Variants in TM7SF3 observed in about 807,000 individuals in gnomAD.
TM7SF3 encodes the protein seven span transmembrane protein.
TM7SF3 carries 60 observed loss-of-function variants against 65.5 expected under a neutral mutation model. That is an observed-to-expected ratio of 0.92 (90% CI 0.74 to 1.14). TM7SF3 has a LOEUF of 1.14. Ranked by LOEUF, TM7SF3 falls within the 50% of genes most tolerant of loss-of-function variation. TM7SF3 has a pLI of 0.00. For synonymous variants in TM7SF3, 264 were observed against 259.6 expected, an observed-to-expected ratio of 1.02 and a Z score of -0.16; for missense variants, 623 against 684.8, an observed-to-expected ratio of 0.91 and a Z score of 1.01.
At chr12:26,985,751 T>C (rs1246061977) in intron 6 of TM7SF3, among the ~76,000 whole-genome samples, 2 of 143,292 alleles carry the variant, frequency 1.4e-5, no homozygotes, top group South Asian at 4.4e-4. Context: ...AAGATTGTCT[T>C]GAGTGGAAGA....
chr12:26,978,897 T>C (rs569989502), intron 9 of TM7SF3: 6 of 152,268 alleles, frequency 3.9e-5, no homozygotes, highest in Admixed American at 3.9e-4. Flanking sequence ...AAGTATTTTA[T>C]TTAGCACATG....
At chr12:26,991,141 C>CTTTTTTTT (rs35362439) in intron 5 of TM7SF3, among the ~76,000 whole-genome samples, 1 of 107,484 alleles carries the variant, frequency 9.3e-6, no homozygotes. Context: ...AGTAGTAGTT[C>CTTTTTTTT]TTTTTTTTTT....
intron 4 of TM7SF3, among the ~76,000 whole-genome samples, chr12:26,996,024 T>TA (rs923635979): frequency 1.3e-5 from 2 of 151,730 alleles, no homozygotes; most frequent in African/African-American, 4.8e-5. Context: ...AAATTTTTTT[T>TA]AAAAAAAAGC....
intron 1 of TM7SF3, among the ~76,000 whole-genome samples, chr12:27,008,595 A>T (rs1941129828): frequency 6.6e-6 from 1 of 152,182 alleles, no homozygotes; most frequent in Non-Finnish European, 1.5e-5. Context: ...GTCAACATAT[A>T]CCAAGATCAT....
chr12:26,982,569 T>A (rs745723209), intron 7 of TM7SF3, among the ~76,000 whole-genome samples: 2 of 152,078 alleles, frequency 1.3e-5, no homozygotes, highest in Non-Finnish European at 2.9e-5. Flanking sequence ...CCCCTGTTAA[T>A]AAGAGAAGGT....
chr12:26,997,330 G>A (rs530746568), intron 3 of TM7SF3, among the ~76,000 whole-genome samples: 1 of 152,230 alleles, frequency 6.6e-6, no homozygotes, highest in South Asian at 2.1e-4. Flanking sequence ...GGCCAGGTTT[G>A]GAATGCAGAT....
intron 6 of TM7SF3, among the ~76,000 whole-genome samples, chr12:26,989,265 G>T (rs555735297): frequency 4.0e-5 from 6 of 151,868 alleles, no homozygotes; most frequent in African/African-American, 1.5e-4. Context: ...GTGAAACCCC[G>T]ACTCTACTAA....
chr12:26,995,411 A>G lies in TM7SF3; in HGVS notation c.519-3T>C, dbSNP rs368654119. On this transcript the variant is annotated splice_region_variant and splice_polypyrimidine_tract_variant and intron_variant, in intron 4 of 11. Transcript: ENST00000343028. ...CACATGGTGGGGGATCTACGCCTCT[A>G]AAGTCAACCAACAAAATGAAACATC... 7.4e-6 allele frequency: 12 copies of G among 1,613,966 alleles called. No homozygotes were observed. The highest frequency in any genetic ancestry group is 2.7e-5 in the African/African-American group (2 of 74,918).
intron 3 of TM7SF3, among the ~76,000 whole-genome samples, chr12:26,997,202 G>T (rs1940634909): frequency 6.6e-6 from 1 of 152,220 alleles, no homozygotes; most frequent in African/African-American, 2.4e-5. Context: ...AGGCATAGCT[G>T]TGTTTCAGTA....
chr12:26,987,638 T>G (rs1306367346), intron 6 of TM7SF3, among the ~76,000 whole-genome samples: 1 of 152,032 alleles, frequency 6.6e-6, no homozygotes, highest in African/African-American at 2.4e-5. Flanking sequence ...TGGCAACAAA[T>G]AAACATAGAA....
chr12:26,995,474 C>A, intron 4 of TM7SF3, 66 bp from the exon 5 acceptor site: 1 of 1,531,548 alleles, frequency 6.5e-7, no homozygotes, highest in Non-Finnish European at 8.9e-7. Context: ...TAAAAAGGAA[C>A]CAAGAGCCCT....
intron 6 of TM7SF3, among the ~76,000 whole-genome samples, chr12:26,984,255 A>C (rs7299682): frequency 0.36 from 55,158 of 151,724 alleles, 10,522 homozygotes; most frequent in African/African-American, 0.49. Context: ...CATGGTGAGA[A>C]CCCCGTCTAC....
intron 1 of TM7SF3, chr12:27,012,954 T>C (rs1013961878): frequency 1.3e-5 from 4 of 300,768 alleles, no homozygotes; most frequent in Middle Eastern, 1.2e-3. Context: ...GCCAAGATCA[T>C]GCCACTGCAC....
intron 2 of TM7SF3, 100 bp from the exon 3 acceptor site, chr12:26,999,776 AC>A: frequency 8.0e-7 from 1 of 1,257,566 alleles, no homozygotes; most frequent in African/African-American, 1.5e-5. Flanking sequence ...TCTTCCCAAA[AC>A]AAATAGAAAA....
intron 6 of TM7SF3, among the ~76,000 whole-genome samples, chr12:26,984,138 A>T (rs1939937474): frequency 6.6e-6 from 1 of 152,224 alleles, no homozygotes; most frequent in South Asian, 2.1e-4. Context: ...CATAAGAAAG[A>T]TTAAACAACA....
chr12:26,979,908 T>C lies in TM7SF3; in HGVS notation c.1065A>G (p.Gly355=), dbSNP rs1483010411. ...DVNLILTAVT[G]SVGGMFLVAV... ...CTACCAAGAACATTCCACCGACGCT[T>C]CCAGTGACAGCTGTCAGAATCAGAT... The change falls in exon 9 of 12, where the codon GGA becomes GGG. Residue 355 remains glycine (G), a synonymous_variant. Coordinates refer to ENST00000343028, the MANE Select transcript of TM7SF3 (RefSeq NM_016551.3). 3 of 1,613,982 alleles carry C rather than the reference T, an allele frequency of 1.9e-6. No individual in the cohort carries two copies. The highest frequency in any genetic ancestry group is 2.5e-6 in the Non-Finnish European group (3 of 1,180,010).
At chr12:26,992,270 T>TTTATTA (rs545256310) in intron 5 of TM7SF3, among the ~76,000 whole-genome samples, 54 of 151,320 alleles carry the variant, frequency 3.6e-4, no homozygotes, top group South Asian at 2.7e-3. Flanking sequence ...ATTTTATTTT[T>TTTATTA]TTATTATTAT....
chr12:26,980,706 C>T (rs915021648), intron 7 of TM7SF3, 60 bp from the exon 8 acceptor site: 3 of 825,724 alleles, frequency 3.6e-6, no homozygotes, highest in South Asian at 1.6e-5. Flanking sequence ...TGGTTAAGCA[C>T]CCTTTTTACA....
intron 9 of TM7SF3, chr12:26,979,209 T>TG (rs1238094153): frequency 6.6e-6 from 1 of 152,314 alleles, no homozygotes; most frequent in Non-Finnish European, 1.5e-5. Flanking sequence ...CAGATGCTGT[T>TG]TTTGTTTGTT....
Sources: gnomAD v4.1 joint callset for allele counts (sites outside exome capture counted in the v4.1 genomes callset) on GRCh38, gnomAD v4.1.1 for gene constraint, MANE v1.5 for transcripts, NCBI Gene and HGNC (gene_info 2026-07-23, HGNC 2026-07-21) for gene names.